Variants in DDR1 observed in about 807,000 individuals in gnomAD.
DDR1 encodes epithelial discoidin domain-containing receptor 1.
In DDR1, 64 loss-of-function variants were observed where a neutral mutation model predicts 97.4. That is an observed-to-expected ratio of 0.66 (90% CI 0.54 to 0.81). The LOEUF is 0.81. Among genes scored for constraint, DDR1 ranks in the 30% least tolerant of loss-of-function variants. The pLI, the probability that DDR1 is intolerant of heterozygous loss-of-function variation, is 0.00. For synonymous variants in DDR1, 458 were observed against 503.7 expected, an observed-to-expected ratio of 0.91 and a Z score of 1.21; for missense variants, 990 against 1,259.6, an observed-to-expected ratio of 0.79 and a Z score of 3.24.
At position 30,899,295 on chromosome 6, in the gene DDR1, G is replaced by C. The variant is rs1453906227; in HGVS notation, c.2741G>C (p.Ter914SerextTer39). 6.2e-7 allele frequency: 1 copy of C among 1,605,096 alleles called. No individual in the cohort carries two copies. The highest frequency in any genetic ancestry group is 1.7e-5 in the Admixed American group (1 of 59,624). Residue 914 changes from the stop codon to serine (S), a stop_lost, in exon 18 of 18, where the codon TGA becomes TCA. Coordinates refer to ENST00000376568, the MANE Select transcript of DDR1 (RefSeq NM_001297654.2). ...GCAGAGGATGCACTCAACACGGTGT[G>C]AATCACACATCCAGCTGCCCCTCCC... ...FLAEDALNTV[*>S] is the part of the protein sequence containing the mutation.
Position 30,886,360 on chromosome 6 carries a change from C to G in DDR1, c.-43+1650C>G, listed in dbSNP as rs1032187087. 2.0e-5 allele frequency among the ~76,000 whole-genome samples: 3 copies of G among 152,138 alleles called. No individual in the cohort carries two copies. The highest frequency in any genetic ancestry group is 7.2e-5 in the African/African-American group (3 of 41,416). On this transcript the variant is annotated intron_variant, in intron 1 of 17. Transcript: ENST00000376568. The surrounding 1 kb of genome is among the most constrained non-coding windows in gnomAD (Gnocchi z 4.6). ...CACCCAGGAATTCCAAGCCAGTCTC[C>G]TGGGACTCTGGCAGCCTGCTCCCCG...
Position 30,897,949 on chromosome 6 carries a change from G to A in DDR1, c.2217-124G>A, listed in dbSNP as rs1383768807. On this transcript the variant is annotated intron_variant, in intron 15 of 17. Transcript: ENST00000376568. The surrounding 1 kb of genome is among the most constrained non-coding windows in gnomAD (Gnocchi z 5.2). The stretch of plus-strand genomic sequence containing the variant: ...AGAGGGAAGTGACCCTTGGCCTCAC[G>A]TGGGCATTCCACCTCCACATGGGGA... 4.2e-6 allele frequency: 3 copies of A among 719,260 alleles called. No homozygotes were observed. Among genetic ancestry groups the A allele is most frequent in the South Asian group, 1.7e-5 (1 of 58,346 alleles). 44.6% of individuals were successfully genotyped at this position (719,260 alleles called of 1,614,324 possible).
Position 30,893,336 on chromosome 6 carries a change from CG to C in DDR1, c.1262del (p.Gly421AlafsTer39), listed in dbSNP as rs1168204019. On this transcript the variant is annotated frameshift_variant, in exon 10 of 18. Coordinates refer to ENST00000376568, the MANE Select transcript of DDR1 (RefSeq NM_001297654.2). LOFTEE classifies it high-confidence loss of function. ...AEGSPTAILIGCLVAIILLLL... is the reference protein window; with the variant it reads ...AEGSPTAILIXCLVAIILLLL... ...AGGGGAGCCCGACCGCCATCCTCAT[CG>C]GCTGCCTGGTGGCCATCATCCTGCT... 1 of 1,607,688 alleles carries C rather than the reference CG, an allele frequency of 6.2e-7. No individual in the cohort carries two copies.
chr6:30,892,743 C>T (rs909319868), intron 8 of DDR1: 2 of 667,746 alleles, frequency 3.0e-6, no homozygotes, highest in South Asian at 2.2e-5. Flanking sequence ...CCTTTGTAAG[C>T]CCCTTGCCCG....
intron 8 of DDR1, 34 bp from the exon 9 acceptor site, chr6:30,893,034 A>G: frequency 7.8e-6 from 12 of 1,535,390 alleles, no homozygotes; most frequent in Non-Finnish European, 9.0e-6. Flanking sequence ...CTCCTCATTT[A>G]CCTCCCTCCT....
rs1313375476 is a variant in DDR1, at chr6:30,886,385, G to A, written c.-43+1675G>A. Among the ~76,000 whole-genome samples the A allele has an allele frequency of 6.6e-6, 1 of 152,116 alleles. No homozygotes were observed. Among genetic ancestry groups the A allele is most frequent in the Non-Finnish European group, 1.5e-5 (1 of 68,004 alleles). On this transcript the variant is annotated intron_variant, in intron 1 of 17. Transcript: ENST00000376568. The surrounding 1 kb of genome is among the most constrained non-coding windows in gnomAD (Gnocchi z 4.6). ...CTGGGACTCTGGCAGCCTGCTCCCC[G>A]GCGCTGGACCCTAAGGGACCAGGCG...
chr6:30,890,865 T>TG lies in DDR1; in HGVS notation c.418-105dup, dbSNP rs761348379. The TG allele has an allele frequency of 3.2e-6, 4 of 1,235,262 alleles. No homozygotes were observed. Among genetic ancestry groups the TG allele is most frequent in the Non-Finnish European group, 4.4e-6 (4 of 905,690 alleles). The allele number at this position is 1,235,262 out of a possible 1,614,324, so 76.5% of individuals were successfully genotyped here. A position where few individuals can be genotyped will look rare whatever the true frequency, so the allele number is the denominator to read the frequency against. On this transcript the variant is annotated intron_variant, in intron 4 of 17. Coordinates refer to ENST00000376568, the MANE Select transcript of DDR1 (RefSeq NM_001297654.2). This position sits in a 1 kb window ranked among gnomAD's most constrained non-coding sequence, Gnocchi z 5.0. ...GCTGTGTGCTCGGTGCCACCCCTCA[T>TG]GGGTCTCTAAGTGGCCACTGTGGGC...
chr6:30,896,961 G>A (rs1248331419), intron 13 of DDR1, 53 bp from the exon 14 acceptor site: 50 of 1,588,346 alleles, frequency 3.1e-5, no homozygotes, highest in African/African-American at 1.1e-4. Flanking sequence ...ATTTGTAACC[G>A]TGTTAATCCG....
rs112944019 is a variant in DDR1, at chr6:30,892,079, G to T, written c.743G>T (p.Arg248Leu). The T allele has an allele frequency of 6.2e-7, 1 of 1,614,076 alleles. No individual in the cohort carries two copies. Among genetic ancestry groups the T allele is most frequent in the Non-Finnish European group, 8.5e-7 (1 of 1,180,014 alleles). Reference protein sequence around the residue: ...LDDFRKSQELRVWPGYDYVGW... With the variant: ...LDDFRKSQELLVWPGYDYVGW... Reference sequence around the variant, plus strand: ...GACTTTAGGAAGAGTCAGGAGCTGCGGGTCTGGCCAGGCTATGACTATGTG... The same window carrying T: ...GACTTTAGGAAGAGTCAGGAGCTGCTGGTCTGGCCAGGCTATGACTATGTG... The change falls in exon 7 of 18, where the codon CGG becomes CTG. Residue 248 changes from arginine (R) to leucine (L), a missense_variant. Coordinates refer to ENST00000376568, the MANE Select transcript of DDR1 (RefSeq NM_001297654.2).
At position 30,886,599 on chromosome 6, in the gene DDR1, C is replaced by A. The variant is rs2150248972; in HGVS notation, c.-43+1889C>A. 1 of 152,424 alleles carries A rather than the reference C, an allele frequency of 6.6e-6. No individual in the cohort carries two copies. The highest frequency in any genetic ancestry group is 1.5e-5 in the Non-Finnish European group (1 of 68,086). 9.4% of individuals were successfully genotyped at this position (152,424 alleles called of 1,614,324 possible). ...CCTCCTACCTCCTGGGGTGACCTGCCTTCCTTGTCTTTAGACCCGCCCTCG... is the reference window on the plus strand; with the variant it reads ...CCTCCTACCTCCTGGGGTGACCTGCATTCCTTGTCTTTAGACCCGCCCTCG... On this transcript the variant is annotated intron_variant, in intron 1 of 17. Transcript: ENST00000376568. The surrounding 1 kb of genome is among the most constrained non-coding windows in gnomAD (Gnocchi z 4.6).
chr6:30,895,319 G>T, intron 11 of DDR1, 85 bp from the exon 12 acceptor site: 1 of 969,386 alleles, frequency 1.0e-6, no homozygotes, highest in Non-Finnish European at 1.6e-6. Context: ...ATCAGCCCTG[G>T]TCTTGCCCTA....
chr6:30,896,521 G>A (rs1442272151), intron 12 of DDR1, 100 bp from the exon 13 acceptor site: 5 of 1,446,208 alleles, frequency 3.5e-6, no homozygotes, highest in Non-Finnish European at 4.7e-6. Context: ...TCACTCAACC[G>A]GGAGACACAG....
chr6:30,900,004 G>A lies in DDR1; in HGVS notation c.*708G>A, dbSNP rs755981816. 11 of 593,062 alleles carry A rather than the reference G, an allele frequency of 1.9e-5. No homozygotes were observed. The highest frequency in any genetic ancestry group is 3.3e-5 in the Non-Finnish European group (10 of 305,790). The allele number at this position is 593,062 out of a possible 1,614,324, so 36.7% of individuals were successfully genotyped here. On this transcript the variant is annotated 3_prime_UTR_variant, in exon 18 of 18. Coordinates refer to ENST00000376568, the MANE Select transcript of DDR1 (RefSeq NM_001297654.2). ...AGCCTTGGGGTTGGACATCTCTAGT[G>A]TAGCTGCCACATTGATTTTTCTATA...
rs1182408861 is a variant in DDR1, at chr6:30,898,998, C to G, written c.2562C>G (p.Ile854Met). Residue 854 changes from isoleucine (I) to methionine (M), a missense_variant, in exon 17 of 18, where the codon ATC becomes ATG. Ile to Met is a conservative substitution (Grantham distance 10). Transcript: ENST00000376568. ...GGCAGCTCACCGACGAGCAGGTCAT[C>G]GAGAACGCGGGGGAGTTCTTCCGGG... Reference protein sequence around the residue: ...PFGQLTDEQVIENAGEFFRDQ... With the variant: ...PFGQLTDEQVMENAGEFFRDQ... 1 of 1,613,870 alleles carries G rather than the reference C, an allele frequency of 6.2e-7. No individual in the cohort carries two copies. The highest frequency in any genetic ancestry group is 1.3e-5 in the African/African-American group (1 of 74,888).
chr6:30,888,981 G>C lies in DDR1; in HGVS notation c.159G>C (p.Trp53Cys), dbSNP rs2150291251. 6.2e-7 allele frequency: 1 copy of C among 1,612,910 alleles called. No homozygotes were observed. Among genetic ancestry groups the C allele is most frequent in the Middle Eastern group, 1.6e-4 (1 of 6,062 alleles). ...GTGACATCTCTGCTTCCAGCTCCTGGTCAGATTCCACTGCCGCCCGCCACA... is the reference window on the plus strand; with the variant it reads ...GTGACATCTCTGCTTCCAGCTCCTGCTCAGATTCCACTGCCGCCCGCCACA... ...PDSDISASSS[W>C]SDSTAARHSR... Residue 53 changes from tryptophan to cysteine, a missense_variant, in exon 3 of 18, where the codon TGG becomes TGC. Transcript: ENST00000376568. The surrounding 1 kb of genome is among the most constrained non-coding windows in gnomAD (Gnocchi z 4.2).
In DDR1 at chr6:30,899,981, C is replaced by T. The variant is rs1792355478; in HGVS notation, c.*685C>T. The T allele has an allele frequency of 5.1e-6, 3 of 585,584 alleles. No homozygotes were observed. The highest frequency in any genetic ancestry group is 1.9e-5 in the Admixed American group (1 of 52,932). The allele number at this position is 585,584 out of a possible 1,614,324, so 36.3% of individuals were successfully genotyped here. The stretch of plus-strand genomic sequence containing the variant: ...GGAAAGAGGGAGCAACGGCCCATAG[C>T]CTTGGGGTTGGACATCTCTAGTGTA... On this transcript the variant is annotated 3_prime_UTR_variant, in exon 18 of 18. Coordinates refer to ENST00000376568, the MANE Select transcript of DDR1 (RefSeq NM_001297654.2).
At chr6:30,885,162 A>G in intron 1 of DDR1, 1 of 1,520,760 alleles carries the variant, frequency 6.6e-7, no homozygotes, top group South Asian at 1.2e-5. Context: ...TGCCACTCTA[A>G]CCCACCAGTG....
Position 30,888,612 on chromosome 6 carries a change from C to G in DDR1, c.-42-76C>G. 1 of 1,493,736 alleles carries G rather than the reference C, an allele frequency of 6.7e-7. No homozygotes were observed. The highest frequency in any genetic ancestry group is 1.4e-5 in the African/African-American group (1 of 71,550). 92.5% of individuals were successfully genotyped at this position (1,493,736 alleles called of 1,614,324 possible). The stretch of plus-strand genomic sequence containing the variant: ...TTTACTGTTATTATCCCCAAAGCGG[C>G]CCATTCTGTCTGTTGCTGTCAGCTA... On this transcript the variant is annotated intron_variant, in intron 1 of 17. Coordinates refer to ENST00000376568, the MANE Select transcript of DDR1 (RefSeq NM_001297654.2). This position sits in a 1 kb window ranked among gnomAD's most constrained non-coding sequence, Gnocchi z 4.2.
chr6:30,881,914 A>C (rs1784378283), upstream of DDR1: 1 of 152,814 alleles, frequency 6.5e-6, no homozygotes, highest in African/African-American at 2.4e-5. Context: ...GAGCTGTTTC[A>C]TCTCTCTCCC....
Sources: gnomAD v4.1 joint callset for allele counts (sites outside exome capture counted in the v4.1 genomes callset) on GRCh38, gnomAD v4.1.1 for gene constraint, Gnocchi (gnomAD v3.1) non-coding constraint, MANE v1.5 for transcripts, NCBI Gene and HGNC (gene_info 2026-07-23, HGNC 2026-07-21) for gene names.